TNFRSF10B: variants seen among roughly 807,000 people sequenced by gnomAD.
The protein encoded by TNFRSF10B is tumor necrosis factor receptor superfamily member 10B.
In TNFRSF10B, 35 loss-of-function variants were observed where a neutral mutation model predicts 41.4. The ratio of observed to expected loss-of-function variants is 0.85; its 90% CI spans 0.65 to 1.12. The LOEUF is 1.12. Among genes scored for constraint, TNFRSF10B ranks in the 50% most tolerant of loss-of-function variants. The pLI, the probability that TNFRSF10B is intolerant of heterozygous loss-of-function variation, is 0.00. For missense variants in TNFRSF10B, 584 were observed against 552.7 expected (o/e 1.06, Z -0.57); for synonymous variants, 230 against 215.5 (o/e 1.07, Z -0.59).
intron 2 of TNFRSF10B, among the ~76,000 whole-genome samples, chr8:23,035,906 C>T (rs1263221358): frequency 1.3e-5 from 2 of 152,184 alleles, no homozygotes; most frequent in African/African-American, 4.8e-5. Context: ...AAAGGCTCTG[C>T]AACAGGTCCA....
At chr8:23,063,501 G>A (rs1437431390) in intron 1 of TNFRSF10B, among the ~76,000 whole-genome samples, 3 of 151,994 alleles carry the variant, frequency 2.0e-5, no homozygotes, top group Non-Finnish European at 4.4e-5. Flanking sequence ...AGCCATTTAT[G>A]CCCATTTACT....
Position 23,022,557 on chromosome 8 carries a change from C to T in TNFRSF10B, c.*114G>A. On this transcript the variant is annotated 3_prime_UTR_variant, in exon 9 of 9. Transcript: ENST00000276431. ...GTGATGTTGGATGGGAGAGTTTCTTCCAGTACCGGTCATGTGACAATTGTG... is the reference window on the plus strand; with the variant it reads ...GTGATGTTGGATGGGAGAGTTTCTTTCAGTACCGGTCATGTGACAATTGTG... The T allele has an allele frequency of 8.8e-7, 1 of 1,141,816 alleles. No individual in the cohort carries two copies. The highest frequency in any genetic ancestry group is 1.3e-5 in the South Asian group (1 of 76,826). 70.7% of individuals were successfully genotyped at this position (1,141,816 alleles called of 1,614,324 possible).
At chr8:23,051,547 CTT>C (rs57467929) in intron 1 of TNFRSF10B, among the ~76,000 whole-genome samples, 70 of 141,250 alleles carry the variant, frequency 5.0e-4, no homozygotes, top group Admixed American at 5.5e-4. Flanking sequence ...GTAAAATACT[CTT>C]TTTTTTTTTT....
chr8:23,067,730 A>T (rs553100648), intron 1 of TNFRSF10B, among the ~76,000 whole-genome samples: 1 of 152,320 alleles, frequency 6.6e-6, no homozygotes, highest in South Asian at 2.1e-4. Flanking sequence ...ACAATATCCC[A>T]TGAAACTCCA....
At chr8:23,055,944 CTT>C (rs926779545) in intron 1 of TNFRSF10B, among the ~76,000 whole-genome samples, 2 of 152,198 alleles carry the variant, frequency 1.3e-5, no homozygotes, top group African/African-American at 2.4e-5. Context: ...CTCTGAAACA[CTT>C]TGTAATTTTG....
Position 23,028,459 on chromosome 8 carries a change from G to C in TNFRSF10B, c.620C>G (p.Ser207Cys), listed in dbSNP as rs779175748. 9.2e-5 allele frequency: 149 copies of C among 1,614,086 alleles called. No individual in the cohort carries two copies. The South Asian group carries it at 1.6e-3, about 17-fold the overall frequency. Residue 207 changes from serine to cysteine, a missense_variant, in exon 5 of 9, where the codon TCT becomes TGT. Coordinates refer to ENST00000276431, the MANE Select transcript of TNFRSF10B (RefSeq NM_003842.5). ...GATGATGCCTGAGAGAGAACAGGGAGAGGCAGGAGTCCCTGGGCTGGAGGT... is the reference window on the plus strand; with the variant it reads ...GATGATGCCTGAGAGAGAACAGGGACAGGCAGGAGTCCCTGGGCTGGAGGT... The part of the protein sequence containing the change: ...TVTSSPGTPA[S>C]PCSLSGIIIG...
rs1424771150 is a variant in TNFRSF10B, at chr8:23,022,458, TC to T, written c.*212del. ...GAATGATCCAGACATTTCCATAGTGTCCTTATTATCACATTCAGCTTATAAA... is the reference window on the plus strand; with the variant it reads ...GAATGATCCAGACATTTCCATAGTGTCTTATTATCACATTCAGCTTATAAA... On this transcript the variant is annotated 3_prime_UTR_variant, in exon 9 of 9. Coordinates refer to ENST00000276431, the MANE Select transcript of TNFRSF10B (RefSeq NM_003842.5). 1 of 680,990 alleles carries T rather than the reference TC, an allele frequency of 1.5e-6. No homozygotes were observed. Among genetic ancestry groups the T allele is most frequent in the South Asian group, 1.5e-5 (1 of 66,576 alleles). 42.2% of individuals were successfully genotyped at this position (680,990 alleles called of 1,614,324 possible). A position where few individuals can be genotyped will look rare whatever the true frequency, so the allele number is the denominator to read the frequency against.
intron 1 of TNFRSF10B, among the ~76,000 whole-genome samples, chr8:23,053,411 T>C (rs573427468): frequency 1.6e-4 from 25 of 152,324 alleles, no homozygotes; most frequent in African/African-American, 6.0e-4. Flanking sequence ...GGTAAAAAGA[T>C]TATAAGGAGG....
At chr8:23,029,291 G>C (rs1369912629) in intron 4 of TNFRSF10B, among the ~76,000 whole-genome samples, 1 of 152,182 alleles carries the variant, frequency 6.6e-6, no homozygotes, top group East Asian at 1.9e-4. Context: ...ATATATGCCT[G>C]GCTGCATTCT....
chr8:23,048,119 G>T (rs533456322), intron 1 of TNFRSF10B, among the ~76,000 whole-genome samples: 31 of 152,280 alleles, frequency 2.0e-4, no homozygotes, highest in Non-Finnish European at 3.4e-4. Context: ...GAGAAATACT[G>T]TATGTTTTCA....
chr8:23,022,808 C>G lies in TNFRSF10B; in HGVS notation c.1186G>C (p.Asp396His). 5.6e-6 allele frequency: 9 copies of G among 1,613,970 alleles called. No homozygotes were observed. Among genetic ancestry groups the G allele is most frequent in the Non-Finnish European group, 6.8e-6 (8 of 1,179,902 alleles). Residue 396 changes from aspartate (D) to histidine (H), a missense_variant, in exon 9 of 9, where the codon GAT (aspartate) becomes CAT (histidine). Coordinates refer to ENST00000276431, the MANE Select transcript of TNFRSF10B (RefSeq NM_003842.5). ...LIKWVNKTGR[D>H]ASVHTLLDAL... Reference sequence around the variant, plus strand: ...TCCAGCAGGGTGTGGACAGAGGCATCTCGCCCGGTTTTGTTGACCCACTTT... The same window carrying G: ...TCCAGCAGGGTGTGGACAGAGGCATGTCGCCCGGTTTTGTTGACCCACTTT...
In TNFRSF10B at chr8:23,068,929, C is replaced by A. The variant is rs374813688; in HGVS notation, c.-35G>T. The A allele has an allele frequency of 6.2e-6, 10 of 1,613,058 alleles. No individual in the cohort carries two copies. The South Asian group carries it at 7.7e-5, about 12-fold the overall frequency. On this transcript the variant is annotated 5_prime_UTR_variant, in exon 1 of 9. Coordinates refer to ENST00000276431, the MANE Select transcript of TNFRSF10B (RefSeq NM_003842.5). Reference sequence around the variant, plus strand: ...GAACGCTCTTATAGTCTCTCAGGCCCGTGGGTTTCAGCCCTTAAAGTAGAT... The same window carrying A: ...GAACGCTCTTATAGTCTCTCAGGCCAGTGGGTTTCAGCCCTTAAAGTAGAT...
intron 1 of TNFRSF10B, among the ~76,000 whole-genome samples, chr8:23,050,505 G>A (rs956877160): frequency 1.3e-5 from 2 of 152,106 alleles, no homozygotes; most frequent in Non-Finnish European, 2.9e-5. Context: ...AAAGGCCTTC[G>A]TGTTTTTGGT....
At chr8:23,063,337 A>T (rs962959663) in intron 1 of TNFRSF10B, among the ~76,000 whole-genome samples, 1 of 135,832 alleles carries the variant, frequency 7.4e-6, no homozygotes, top group Non-Finnish European at 1.6e-5. Flanking sequence ...AGCAACAGTG[A>T]AACTGTCTCA....
chr8:23,033,255 A>C (rs1811930209), intron 2 of TNFRSF10B, among the ~76,000 whole-genome samples: 1 of 152,216 alleles, frequency 6.6e-6, no homozygotes, highest in Non-Finnish European at 1.5e-5. Flanking sequence ...TAATGTAATG[A>C]CATTAGATAA....
Position 23,062,475 on chromosome 8 carries a change from C to T in TNFRSF10B, c.144+6276G>A, listed in dbSNP as rs571769770. ...TCAAGCAATCCTCCTGTCTTGGCCT[C>T]GCAAAGTGCTGGGATTATAGGCGTG... On this transcript the variant is annotated intron_variant, in intron 1 of 8. Coordinates refer to ENST00000276431, the MANE Select transcript of TNFRSF10B (RefSeq NM_003842.5). 1.4e-4 allele frequency among the ~76,000 whole-genome samples: 22 copies of T among 152,348 alleles called. No individual in the cohort carries two copies. In the South Asian group the frequency reaches 4.6e-3, roughly 32 times the overall value.
intron 1 of TNFRSF10B, among the ~76,000 whole-genome samples, chr8:23,057,499 C>A (rs1279052623): frequency 7.1e-6 from 1 of 140,478 alleles, no homozygotes; most frequent in Non-Finnish European, 1.5e-5. Context: ...GTGGCATGAT[C>A]TCGGCTCACT....
Position 23,039,459 on chromosome 8 carries a change from G to A in TNFRSF10B, c.250+3679C>T, listed in dbSNP as rs568657539. Among the ~76,000 whole-genome samples the A allele has an allele frequency of 4.0e-4, 61 of 152,266 alleles. 1 individual carries two copies. The highest frequency in any genetic ancestry group is 7.2e-4 in the Non-Finnish European group (49 of 68,016). ...TGGCAGAACACCCTCTTTCTTGGTG[G>A]AGGTCAGTCTTTTTTCTATTGAGGC... On this transcript the variant is annotated intron_variant, in intron 2 of 8. Transcript: ENST00000276431.
intron 1 of TNFRSF10B, among the ~76,000 whole-genome samples, chr8:23,055,964 C>A (rs1412945730): frequency 1.3e-5 from 2 of 152,188 alleles, no homozygotes; most frequent in African/African-American, 4.8e-5. Flanking sequence ...TTGAGTTGGT[C>A]TGGCGATAAT....
Sources: gnomAD v4.1 joint callset for allele counts (sites outside exome capture counted in the v4.1 genomes callset) on GRCh38, gnomAD v4.1.1 for gene constraint, MANE v1.5 for transcripts, NCBI Gene and HGNC (gene_info 2026-07-23, HGNC 2026-07-21) for gene names.